PTPRT: variants seen among roughly 807,000 people sequenced by gnomAD.
PTPRT encodes the protein receptor-type tyrosine-protein phosphatase T.
A neutral mutation model predicts 176.8 loss-of-function variants in PTPRT; 56 were observed. The ratio of observed to expected loss-of-function variants is 0.32; its 90% CI spans 0.26 to 0.40. PTPRT has a LOEUF of 0.40. Among genes scored for constraint, PTPRT ranks in the 10% least tolerant of loss-of-function variants. The pLI is 1.00. For missense variants in PTPRT, 1,540 were observed against 1,908.2 expected (o/e 0.81, Z 3.60); for synonymous variants, 783 against 739.0 (o/e 1.06, Z -0.96).
chr20:42,591,236 A>G (rs1206309101), intron 7 of PTPRT, among the ~76,000 whole-genome samples: 1 of 152,142 alleles, frequency 6.6e-6, no homozygotes, highest in Non-Finnish European at 1.5e-5. Context: ...ATGATAAAAA[A>G]AAATTGTGTA....
intron 4 of PTPRT, among the ~76,000 whole-genome samples, chr20:42,773,363 C>T (rs117993192): frequency 6.6e-6 from 1 of 152,146 alleles, no homozygotes; most frequent in Non-Finnish European, 1.5e-5. Flanking sequence ...GTTCATTGAT[C>T]GCTTATGATG....
chr20:42,444,114 A>C (rs1467393), intron 9 of PTPRT, among the ~76,000 whole-genome samples: 35,529 of 151,908 alleles, frequency 0.23, 4,931 homozygotes, highest in African/African-American at 0.37. Flanking sequence ...TTTCCCCCAC[A>C]CAGTCTCATC....
chr20:42,453,723 G>C lies in PTPRT; in HGVS notation c.1451-5394C>G, dbSNP rs62203507. Among the ~76,000 whole-genome samples, 1,295 of 150,168 alleles carry C rather than the reference G, an allele frequency of 8.6e-3. 11 individuals carry two copies. Among genetic ancestry groups the C allele is most frequent in the Middle Eastern group, 0.014 (4 of 292 alleles). On this transcript the variant is annotated intron_variant, in intron 8 of 30. Transcript: ENST00000373187. Reference sequence around the variant, plus strand: ...TTCACTCTTGTCACCCAGACTGGAGGGCAACAGCGTGATCTTGGCTCAATG... The same window carrying C: ...TTCACTCTTGTCACCCAGACTGGAGCGCAACAGCGTGATCTTGGCTCAATG...
Position 43,004,272 on chromosome 20 carries a change from A to G in PTPRT, c.89-118340T>C, listed in dbSNP as rs186317389. Among the ~76,000 whole-genome samples the G allele has an allele frequency of 3.3e-5, 5 of 152,238 alleles. No individual in the cohort carries two copies. The East Asian group carries it at 7.7e-4, about 23-fold the overall frequency. ...ACTAAAACTTACAAATAAAAAGACA[A>G]TGGATGAAGGATATTAATCACTTCA... On this transcript the variant is annotated intron_variant, in intron 1 of 30. Coordinates refer to ENST00000373187, the MANE Select transcript of PTPRT (RefSeq NM_007050.6).
chr20:42,498,313 C>T (rs557228498), intron 7 of PTPRT, among the ~76,000 whole-genome samples: 20 of 152,152 alleles, frequency 1.3e-4, no homozygotes, highest in Middle Eastern at 3.4e-3. Context: ...GGGGCAGGGG[C>T]GGTTGGACAT....
chr20:42,417,040 T>A lies in PTPRT; in HGVS notation c.1560+31180A>T, dbSNP rs529125147. Among the ~76,000 whole-genome samples, 22 of 152,252 alleles carry A rather than the reference T, an allele frequency of 1.4e-4. No individual in the cohort carries two copies. In the South Asian group the frequency reaches 3.7e-3, roughly 26 times the overall value. On this transcript the variant is annotated intron_variant, in intron 9 of 30. Transcript: ENST00000373187. The stretch of plus-strand genomic sequence containing the variant: ...ACAAAAAAGGCACCAAAGCCTACAG[T>A]TTCTCACAGGGTGCATAGAAGCTGG...
In PTPRT at chr20:42,887,715, T is replaced by C. The variant is rs369449084; in HGVS notation, c.89-1783A>G. On this transcript the variant is annotated intron_variant, in intron 1 of 30. Coordinates refer to ENST00000373187, the MANE Select transcript of PTPRT (RefSeq NM_007050.6). The stretch of plus-strand genomic sequence containing the variant: ...TCCAAACACCATGGAAGAAAACCTG[T>C]GATAGAAAAGCTTTCTCCACTTTCC... 4.6e-5 allele frequency among the ~76,000 whole-genome samples: 7 copies of C among 152,216 alleles called. No individual in the cohort carries two copies. The East Asian group carries it at 7.7e-4, about 17-fold the overall frequency.
At chr20:43,066,091 T>A (rs2011109617) in intron 1 of PTPRT, among the ~76,000 whole-genome samples, 2 of 152,282 alleles carry the variant, frequency 1.3e-5, no homozygotes, top group South Asian at 2.1e-4. Context: ...AAACCATGTC[T>A]TCCACCCTGG....
At chr20:42,275,645 A>G (rs974939694) in intron 13 of PTPRT, among the ~76,000 whole-genome samples, 2 of 152,184 alleles carry the variant, frequency 1.3e-5, no homozygotes, top group East Asian at 3.9e-4. Flanking sequence ...CAGCTGTTGT[A>G]GCAAGAAAAA....
chr20:43,111,546 GA>G (rs11424029), intron 1 of PTPRT, among the ~76,000 whole-genome samples: 1,597 of 83,444 alleles, frequency 0.019, 18 homozygotes, highest in South Asian at 0.15. Context: ...TCCGTCTCAG[GA>G]AAAAAAAAAA....
intron 1 of PTPRT, among the ~76,000 whole-genome samples, chr20:43,135,456 G>A (rs2013800514): frequency 1.3e-5 from 2 of 152,228 alleles, no homozygotes; most frequent in Admixed American, 1.3e-4. Flanking sequence ...GAGAAACTCA[G>A]AAGAGAGATG....
chr20:42,103,552 G>A (rs6130035), intron 25 of PTPRT, among the ~76,000 whole-genome samples: 1 of 152,218 alleles, frequency 6.6e-6, no homozygotes, highest in East Asian at 1.9e-4. Context: ...TGCAACCTCC[G>A]CCTCCCAGGT....
chr20:42,081,752 C>T, intron 30 of PTPRT, 130 bp downstream of exon 30: 6 of 1,243,796 alleles, frequency 4.8e-6, no homozygotes, highest in Non-Finnish European at 6.9e-6. Flanking sequence ...CAGTGCATAC[C>T]AAGGGCACAG....
At chr20:42,196,274 G>T (rs938567843) in intron 16 of PTPRT, among the ~76,000 whole-genome samples, 1 of 152,152 alleles carries the variant, frequency 6.6e-6, no homozygotes, top group Non-Finnish European at 1.5e-5. Flanking sequence ...CCGAAAGCAG[G>T]GGATCCAGTG....
intron 15 of PTPRT, among the ~76,000 whole-genome samples, chr20:42,210,142 G>C (rs73616983): frequency 6.6e-6 from 1 of 152,138 alleles, no homozygotes; most frequent in African/African-American, 2.4e-5. Context: ...TTAATGGGAC[G>C]TATTTCAAAA....
chr20:42,897,838 A>T (rs2079330747), intron 1 of PTPRT, among the ~76,000 whole-genome samples: 1 of 152,188 alleles, frequency 6.6e-6, no homozygotes, highest in Admixed American at 6.5e-5. Flanking sequence ...TGTTATGAGG[A>T]TTGGGTAATT....
rs186018977 is a variant in PTPRT at position 42,215,220 on chromosome 20, C to T, written c.2343-15832G>A. Among the ~76,000 whole-genome samples the T allele has an allele frequency of 4.0e-4, 61 of 152,226 alleles. No individual in the cohort carries two copies. In the East Asian group the frequency reaches 7.9e-3, roughly 20 times the overall value. On this transcript the variant is annotated intron_variant, in intron 15 of 30. Transcript: ENST00000373187. ...GGGTTGGGGAGATGGCCCCTCTGTTCTTGGTGTTGCAGAAATACCATGGGC... is the reference window on the plus strand; with the variant it reads ...GGGTTGGGGAGATGGCCCCTCTGTTTTTGGTGTTGCAGAAATACCATGGGC...
chr20:42,706,241 C>T (rs1322465177), intron 6 of PTPRT, among the ~76,000 whole-genome samples: 1 of 150,846 alleles, frequency 6.6e-6, no homozygotes, highest in East Asian at 2.0e-4. Flanking sequence ...GTCTATCTGT[C>T]TCTCTCCCCA....
intron 3 of PTPRT, among the ~76,000 whole-genome samples, chr20:42,780,624 A>G (rs2077201061): frequency 6.6e-6 from 1 of 152,206 alleles, no homozygotes; most frequent in South Asian, 2.1e-4. Flanking sequence ...GGGTCAAGCC[A>G]CAACTTGACC....
Sources: gnomAD v4.1 joint callset for allele counts (sites outside exome capture counted in the v4.1 genomes callset) on GRCh38, gnomAD v4.1.1 for gene constraint, MANE v1.5 for transcripts, NCBI Gene and HGNC (gene_info 2026-07-23, HGNC 2026-07-21) for gene names.